DLG2: variants seen among roughly 807,000 people sequenced by gnomAD.
DLG2 encodes disks large homolog 2.
A neutral mutation model predicts 132.5 loss-of-function variants in DLG2; 45 were observed. The ratio of observed to expected loss-of-function variants is 0.34; its 90% CI spans 0.27 to 0.44. The LOEUF (loss-of-function observed/expected upper bound fraction) is 0.44, where lower values mean the gene tolerates loss of function less well. Among genes scored for constraint, DLG2 ranks in the 20% least tolerant of loss-of-function variants. DLG2 has a pLI of 1.00. For synonymous variants in DLG2, 424 were observed against 419.6 expected, an observed-to-expected ratio of 1.01 and a Z score of -0.13; for missense variants, 1,045 against 1,196.9, an observed-to-expected ratio of 0.87 and a Z score of 1.87.
intron 18 of DLG2, among the ~76,000 whole-genome samples, chr11:83,757,255 G>A (rs1275627644): frequency 6.6e-6 from 1 of 152,214 alleles, no homozygotes; most frequent in Non-Finnish European, 1.5e-5. Context: ...TGACTCCAGA[G>A]CTAGGGCTCT....
At chr11:83,541,548 A>C in intron 20 of DLG2, 134 bp downstream of exon 20, 1 of 847,432 alleles carries the variant, frequency 1.2e-6, no homozygotes, top group Non-Finnish European at 1.7e-6. Flanking sequence ...CACCACTGAC[A>C]ATTTTCCTGC....
chr11:84,741,158 C>G (rs2064593368), intron 6 of DLG2, among the ~76,000 whole-genome samples: 1 of 148,388 alleles, frequency 6.7e-6, no homozygotes, highest in Non-Finnish European at 1.5e-5. Flanking sequence ...GCTCCGCCTT[C>G]CGGGTTCACG....
chr11:84,304,040 A>G (rs1192967305), intron 7 of DLG2, among the ~76,000 whole-genome samples: 2 of 152,350 alleles, frequency 1.3e-5, no homozygotes, highest in Non-Finnish European at 2.9e-5. Context: ...AATGGCGCAG[A>G]AACATATTGA....
At chr11:84,326,925 G>A (rs186346003) in intron 7 of DLG2, among the ~76,000 whole-genome samples, 5 of 151,874 alleles carry the variant, frequency 3.3e-5, no homozygotes, top group Admixed American at 2.6e-4. Context: ...ATTTAACACT[G>A]TTATATTTTC....
chr11:85,307,436 T>C (rs1057053987), intron 3 of DLG2, among the ~76,000 whole-genome samples: 19 of 152,330 alleles, frequency 1.2e-4, no homozygotes, highest in African/African-American at 4.3e-4. Flanking sequence ...AAAAATCCTC[T>C]TTTAGTTAGT....
chr11:84,573,820 T>C (rs1471207779), intron 6 of DLG2, among the ~76,000 whole-genome samples: 1 of 152,196 alleles, frequency 6.6e-6, no homozygotes, highest in East Asian at 1.9e-4. Flanking sequence ...GTAAAAATGT[T>C]AGTCCATAAC....
At chr11:83,530,282 AT>A (rs2095707336) in intron 21 of DLG2, among the ~76,000 whole-genome samples, 1 of 152,014 alleles carries the variant, frequency 6.6e-6, no homozygotes, top group African/African-American at 2.4e-5. Flanking sequence ...GTTTCAATAA[AT>A]TTTCATTTCA....
At chr11:83,894,342 GAAGAA>G (rs1239854528) in intron 15 of DLG2, among the ~76,000 whole-genome samples, 1 of 152,042 alleles carries the variant, frequency 6.6e-6, no homozygotes, top group Non-Finnish European at 1.5e-5. Context: ...AAGGAAGAAA[GAAGAA>G]AAGAAAGAGA....
chr11:84,632,166 A>G (rs1432453944), intron 6 of DLG2, among the ~76,000 whole-genome samples: 1 of 152,128 alleles, frequency 6.6e-6, no homozygotes. Flanking sequence ...TACTTATACC[A>G]GACTTCAAAC....
chr11:84,233,632 A>T (rs1232966996), intron 8 of DLG2, among the ~76,000 whole-genome samples: 1 of 152,190 alleles, frequency 6.6e-6, no homozygotes, highest in Non-Finnish European at 1.5e-5. Flanking sequence ...TCCCCTGTGC[A>T]AATGGCACAC....
At chr11:84,406,966 T>C (rs551457630) in intron 7 of DLG2, among the ~76,000 whole-genome samples, 5 of 152,276 alleles carry the variant, frequency 3.3e-5, no homozygotes, top group African/African-American at 9.6e-5. Context: ...GGAGAAATCA[T>C]TGCTTCCTAA....
At chr11:83,988,230 T>A (rs1436343250) in intron 11 of DLG2, among the ~76,000 whole-genome samples, 1 of 152,180 alleles carries the variant, frequency 6.6e-6, no homozygotes, top group Non-Finnish European at 1.5e-5. Context: ...CTGAATGGTA[T>A]TTCTTAGATT....
intron 19 of DLG2, among the ~76,000 whole-genome samples, chr11:83,553,449 G>T (rs1339923750): frequency 1.3e-5 from 2 of 150,572 alleles, no homozygotes; most frequent in Non-Finnish European, 2.9e-5. Flanking sequence ...AAAGCCCTCA[G>T]ATCAGTACCT....
rs368829877 is a variant in DLG2, at chr11:84,198,749, T to C, written c.574-35238A>G. ...CAAGGACTTAGAGAGGGAAGTCAAA[T>C]AGAAAAATTCTGCCTGTGATTTAGA... On this transcript the variant is annotated intron_variant, in intron 8 of 27. Coordinates refer to ENST00000376104, the MANE Select transcript of DLG2 (RefSeq NM_001142699.3). Among the ~76,000 whole-genome samples, 11 of 152,138 alleles carry C rather than the reference T, an allele frequency of 7.2e-5. No individual in the cohort carries two copies. In the East Asian group the frequency reaches 1.3e-3, roughly 19 times the overall value.
At chr11:84,192,702 C>G (rs2096436266) in intron 8 of DLG2, among the ~76,000 whole-genome samples, 2 of 151,890 alleles carry the variant, frequency 1.3e-5, no homozygotes, top group Admixed American at 1.3e-4. Context: ...TGCACTCCAG[C>G]CTGGGCGACA....
intron 16 of DLG2, among the ~76,000 whole-genome samples, chr11:83,862,395 A>G (rs1343563601): frequency 6.6e-6 from 1 of 152,160 alleles, no homozygotes; most frequent in Non-Finnish European, 1.5e-5. Context: ...AAAATAGTAA[A>G]ACAACTGAAC....
rs545420956 is a variant in DLG2 at position 84,199,627 on chromosome 11, A to G, written c.574-36116T>C. Among the ~76,000 whole-genome samples the G allele has an allele frequency of 2.0e-5, 3 of 152,228 alleles. No individual in the cohort carries two copies. The South Asian group carries it at 6.2e-4, about 32-fold the overall frequency. On this transcript the variant is annotated intron_variant, in intron 8 of 27. Coordinates refer to ENST00000376104, the MANE Select transcript of DLG2 (RefSeq NM_001142699.3). ...ATAATTTTAAAAAGAACAAAATCAA[A>G]ATTGTAGATATGAAAAATACATTAA... is the stretch of plus-strand genomic sequence containing the variant.
At chr11:85,000,346 G>A (rs1197144804) in intron 6 of DLG2, among the ~76,000 whole-genome samples, 1 of 152,122 alleles carries the variant, frequency 6.6e-6, no homozygotes, top group Non-Finnish European at 1.5e-5. Flanking sequence ...ATCCACTAAC[G>A]TAATTCTCCA....
intron 16 of DLG2, among the ~76,000 whole-genome samples, chr11:83,851,367 A>G (rs6592151): frequency 0.41 from 62,787 of 151,562 alleles, 13,320 homozygotes; most frequent in African/African-American, 0.49. Flanking sequence ...GCTCATGCCT[A>G]TAATCCCAGC....
Sources: gnomAD v4.1 joint callset for allele counts (sites outside exome capture counted in the v4.1 genomes callset) on GRCh38, gnomAD v4.1.1 for gene constraint, MANE v1.5 for transcripts, NCBI Gene and HGNC (gene_info 2026-07-23, HGNC 2026-07-21) for gene names.